Variants in CRB1 observed in about 807,000 individuals in gnomAD.
CRB1 encodes protein crumbs homolog 1.
CRB1 carries 83 observed loss-of-function variants against 120.0 expected under a neutral mutation model. The ratio of observed to expected loss-of-function variants is 0.69; its 90% CI spans 0.58 to 0.83. The LOEUF is 0.83. CRB1 is among the 40% of genes least tolerant of loss of function. CRB1 has a pLI of 0.00. For synonymous variants in CRB1, 625 were observed against 612.5 expected (o/e 1.02, Z -0.30); for missense variants, 1,699 against 1,687.6 (o/e 1.01, Z -0.12).
At chr1:197,453,472 T>C (rs1389069286) in intron 11 of CRB1, among the ~76,000 whole-genome samples, 1 of 146,736 alleles carries the variant, frequency 6.8e-6, no homozygotes, top group East Asian at 1.9e-4. Flanking sequence ...TATAAATATA[T>C]ACATTAAATA....
At chr1:197,235,699 T>C in the CRB1 span, among the ~76,000 whole-genome samples, 1 of 152,094 alleles carries the variant, frequency 6.6e-6, no homozygotes, top group Non-Finnish European at 1.5e-5. Flanking sequence ...AAATAAATGG[T>C]GGTTGTGTTA....
intron 4 of CRB1, among the ~76,000 whole-genome samples, chr1:197,349,043 C>T (rs1659941376): frequency 6.6e-6 from 1 of 152,112 alleles, no homozygotes; most frequent in Non-Finnish European, 1.5e-5. Context: ...ACTTCCAGAC[C>T]TCCAAGCTCT....
At chr1:197,455,002 T>C (rs1438477595) in intron 11 of CRB1, among the ~76,000 whole-genome samples, 14 of 152,164 alleles carry the variant, frequency 9.2e-5, no homozygotes, top group Admixed American at 9.2e-4. Context: ...ATAAAGATAT[T>C]TTTAATGTGT....
chr1:197,252,577 T>TAC, the CRB1 span, among the ~76,000 whole-genome samples: 1 of 61,466 alleles, frequency 1.6e-5, no homozygotes, highest in Non-Finnish European at 3.4e-5. Flanking sequence ...TATATATATA[T>TAC]ATATATGTGT....
At chr1:197,220,583 T>G in the CRB1 span, among the ~76,000 whole-genome samples, 115 of 152,344 alleles carry the variant, frequency 7.5e-4, 2 homozygotes, top group East Asian at 0.022. Flanking sequence ...AGTTTTAGGT[T>G]GTTTTGTCAA....
chr1:197,443,187 T>TACATGA (rs911796604), intron 11 of CRB1: 1 of 151,968 alleles, frequency 6.6e-6, no homozygotes, highest in African/African-American at 2.4e-5. Flanking sequence ...TCTATGTTTT[T>TACATGA]ACATGAAGCT....
At chr1:197,323,024 G>T (rs1015940729) in intron 1 of CRB1, among the ~76,000 whole-genome samples, 9 of 151,936 alleles carry the variant, frequency 5.9e-5, no homozygotes, top group African/African-American at 1.7e-4. Flanking sequence ...GGGGTTAAAT[G>T]AAACACAAGA....
At chr1:197,302,194 A>G (rs1314080878) in intron 1 of CRB1, among the ~76,000 whole-genome samples, 1 of 152,220 alleles carries the variant, frequency 6.6e-6, no homozygotes, top group East Asian at 1.9e-4. Flanking sequence ...ATCAGTCAGC[A>G]GCTGTCAACA....
At chr1:197,393,010 T>A (rs1662587641) in intron 5 of CRB1, among the ~76,000 whole-genome samples, 1 of 152,086 alleles carries the variant, frequency 6.6e-6, no homozygotes, top group African/African-American at 2.4e-5. Context: ...TATGAATGCA[T>A]ATACTGTGCA....
chr1:197,283,602 A>G (rs938242626), intron 1 of CRB1, among the ~76,000 whole-genome samples: 3 of 151,810 alleles, frequency 2.0e-5, no homozygotes, highest in African/African-American at 7.3e-5. Flanking sequence ...GTAGTATTCC[A>G]TCATGTATCT....
chr1:197,317,427 A>AAAAAC (rs1388032492), intron 1 of CRB1, among the ~76,000 whole-genome samples: 4 of 152,176 alleles, frequency 2.6e-5, no homozygotes, highest in Non-Finnish European at 5.9e-5. Flanking sequence ...CAAAAAAACA[A>AAAAAC]AAAACAAAAC....
intron 10 of CRB1, 195 bp from the exon 11 acceptor site, chr1:197,441,971 A>G (rs961189554): frequency 9.2e-6 from 6 of 652,156 alleles, no homozygotes; most frequent in Non-Finnish European, 1.1e-5. Flanking sequence ...TGTACAGATT[A>G]TTTCCATTAA....
chr1:197,219,476 G>A, the CRB1 span, among the ~76,000 whole-genome samples: 5 of 152,288 alleles, frequency 3.3e-5, no homozygotes, highest in Admixed American at 2.0e-4. Context: ...ACTGTCTAGT[G>A]CCAGGTCCAT....
At chr1:197,302,037 A>G (rs189035440) in intron 1 of CRB1, among the ~76,000 whole-genome samples, 63 of 152,340 alleles carry the variant, frequency 4.1e-4, no homozygotes, top group African/African-American at 1.4e-3. Flanking sequence ...AAGAAGTTCT[A>G]TTGTGGTTAA....
intron 4 of CRB1, among the ~76,000 whole-genome samples, chr1:197,351,606 A>G: frequency 6.6e-6 from 1 of 152,204 alleles, no homozygotes; most frequent in East Asian, 1.9e-4. Context: ...CCCTGGCTTC[A>G]TGGCAGATGA....
chr1:197,435,193 T>G lies in CRB1; in HGVS notation c.3330T>G (p.Phe1110Leu), dbSNP rs1665086302. The change falls in exon 9 of 12, where the codon TTT (phenylalanine) becomes TTG (leucine). Residue 1110 changes from phenylalanine to leucine, a missense_variant. Coordinates refer to ENST00000367400, the MANE Select transcript of CRB1 (RefSeq NM_201253.3). ...TCGGAGGCATTTATCTCTCTTACTT[T>G]GAAAATGTTCATGGTTTCATTAATA... ...IEIGGIYLSY[F>L]ENVHGFINKP... is the part of the protein sequence containing the mutation. 6.2e-7 allele frequency: 1 copy of G among 1,613,840 alleles called. No homozygotes were observed. Among genetic ancestry groups the G allele is most frequent in the Non-Finnish European group, 8.5e-7 (1 of 1,179,878 alleles).
intron 5 of CRB1, among the ~76,000 whole-genome samples, chr1:197,361,525 G>A (rs73071645): frequency 0.036 from 5,464 of 151,924 alleles, 325 homozygotes; most frequent in African/African-American, 0.12. Context: ...TCGTTGGATG[G>A]AGTATTTCTA....
chr1:197,253,858 G>A, the CRB1 span, among the ~76,000 whole-genome samples: 3 of 151,880 alleles, frequency 2.0e-5, no homozygotes, highest in East Asian at 1.9e-4. Context: ...TGATAGCTTC[G>A]ATTACCACCT....
At chr1:197,208,142 A>T in the CRB1 span, among the ~76,000 whole-genome samples, 2,149 of 151,878 alleles carry the variant, frequency 0.014, 51 homozygotes, top group African/African-American at 0.046. Context: ...TGTTTTTATA[A>T]TTCACTAAGT....
Sources: gnomAD v4.1 joint callset for allele counts (sites outside exome capture counted in the v4.1 genomes callset) on GRCh38, gnomAD v4.1.1 for gene constraint, MANE v1.5 for transcripts, NCBI Gene and HGNC (gene_info 2026-07-23, HGNC 2026-07-21) for gene names.